Variants in GAREM1 observed in about 807,000 individuals in gnomAD.
GAREM1 encodes the protein GRB2 associated regulator of MAPK1 subtype 1, also known as GRB2-associated and regulator of MAPK protein 1.
A neutral mutation model predicts 71.3 loss-of-function variants in GAREM1; 26 were observed. The observed-to-expected ratio is 0.36, with a 90% CI of 0.27 to 0.51. The LOEUF is 0.51. GAREM1 is among the 20% of genes least tolerant of loss of function. The pLI, the probability that GAREM1 is intolerant of heterozygous loss-of-function variation, is 0.95. For synonymous variants in GAREM1, 440 were observed against 433.2 expected, an observed-to-expected ratio of 1.02 and a Z score of -0.20; for missense variants, 1,026 against 1,103.1, an observed-to-expected ratio of 0.93 and a Z score of 0.99.
At chr18:32,458,963 A>T (rs147350463) in intron 1 of GAREM1, among the ~76,000 whole-genome samples, 280 of 152,210 alleles carry the variant, frequency 1.8e-3, no homozygotes, top group African/African-American at 6.0e-3. Context: ...AAAAGGACAC[A>T]TTTAAGTAAA....
chr18:32,451,738 CAA>C (rs548342023), intron 1 of GAREM1, among the ~76,000 whole-genome samples: 1 of 151,144 alleles, frequency 6.6e-6, no homozygotes, highest in African/African-American at 2.4e-5. Flanking sequence ...CCTTGTTAAA[CAA>C]AAAAAAATCT....
chr18:32,393,115 T>C, intron 1 of GAREM1, 80 bp from the exon 2 acceptor site: 9 of 1,403,936 alleles, frequency 6.4e-6, no homozygotes, highest in East Asian at 2.4e-5. Flanking sequence ...TTTCATTAGT[T>C]AAAACTTGAC....
At position 32,369,417 on chromosome 18, in the gene GAREM1, T is replaced by C. The variant is rs117250792; in HGVS notation, c.262+23478A>G. 5.8e-3 allele frequency among the ~76,000 whole-genome samples: 889 copies of C among 152,288 alleles called. 8 individuals carry two copies. The highest frequency in any genetic ancestry group is 9.3e-3 in the Non-Finnish European group (631 of 68,014). ...CAGACTTTGTTGGTAATGTCATTTG[T>C]TGGAGGTTAAAAATGTGTACATTTT... On this transcript the variant is annotated intron_variant, in intron 2 of 5. Transcript: ENST00000269209.
intron 2 of GAREM1, among the ~76,000 whole-genome samples, chr18:32,337,216 C>T (rs953931216): frequency 6.6e-6 from 1 of 152,170 alleles, no homozygotes; most frequent in African/African-American, 2.4e-5. Context: ...CTGGTTATGG[C>T]TCCAGAAGGT....
chr18:32,352,578 G>A (rs16963230), intron 2 of GAREM1, among the ~76,000 whole-genome samples: 13,022 of 152,108 alleles, frequency 0.086, 938 homozygotes, highest in African/African-American at 0.19. Flanking sequence ...GGTGGATGAG[G>A]GTAATGAATT....
intron 2 of GAREM1, among the ~76,000 whole-genome samples, chr18:32,320,596 C>A (rs2047419349): frequency 6.6e-6 from 1 of 152,106 alleles, no homozygotes; most frequent in African/African-American, 2.4e-5. Context: ...ATGAACTGCA[C>A]CATAGATAAT....
At position 32,264,574 on chromosome 18, in the gene GAREM1, A is replaced by G. The variant is rs2041348052; in HGVS notation, c.*3297T>C. The stretch of plus-strand genomic sequence containing the variant: ...GGACTGTCATAATATTTCCCATAAG[A>G]TTGTTGTATTTCGACATGAGACAAG... On this transcript the variant is annotated 3_prime_UTR_variant, in exon 6 of 6. Transcript: ENST00000269209. 1 of 152,212 alleles carries G rather than the reference A, an allele frequency of 6.6e-6. No individual in the cohort carries two copies. The highest frequency in any genetic ancestry group is 6.5e-5 in the Admixed American group (1 of 15,280). 9.4% of individuals were successfully genotyped at this position (152,212 alleles called of 1,614,324 possible). A position where few individuals can be genotyped will look rare whatever the true frequency, so the allele number is the denominator to read the frequency against.
chr18:32,302,885 C>A (rs556586026), intron 3 of GAREM1, among the ~76,000 whole-genome samples: 27 of 152,348 alleles, frequency 1.8e-4, no homozygotes, highest in African/African-American at 6.3e-4. Flanking sequence ...CTTCTCCCCA[C>A]ATTACAGTGG....
At chr18:32,431,614 C>A (rs1260457805) in intron 1 of GAREM1, among the ~76,000 whole-genome samples, 1 of 152,040 alleles carries the variant, frequency 6.6e-6, no homozygotes, top group Non-Finnish European at 1.5e-5. Context: ...GGCAACACAG[C>A]AAAACTCCGT....
intron 3 of GAREM1, among the ~76,000 whole-genome samples, chr18:32,294,983 C>T (rs1326787146): frequency 6.6e-6 from 1 of 152,066 alleles, no homozygotes; most frequent in Admixed American, 6.6e-5. Flanking sequence ...AAAGTTTCTA[C>T]AAATAAAATT....
chr18:32,375,479 T>C (rs1336444960), intron 2 of GAREM1, among the ~76,000 whole-genome samples: 1 of 152,154 alleles, frequency 6.6e-6, no homozygotes, highest in Non-Finnish European at 1.5e-5. Flanking sequence ...CTGAGTCCAA[T>C]GCCAGTCTAA....
At chr18:32,292,458 A>G (rs569510196) in intron 3 of GAREM1, among the ~76,000 whole-genome samples, 103 of 152,230 alleles carry the variant, frequency 6.8e-4, no homozygotes, top group Non-Finnish European at 8.7e-4. Flanking sequence ...AAATCCAAGT[A>G]CCTTTGGAAT....
At chr18:32,379,584 G>T (rs11661851) in intron 2 of GAREM1, among the ~76,000 whole-genome samples, 21 of 149,638 alleles carry the variant, frequency 1.4e-4, no homozygotes, top group African/African-American at 5.2e-4. Context: ...TGCGCCTGTA[G>T]TCCCAGCTAC....
At chr18:32,289,923 C>T (rs958801723) in intron 3 of GAREM1, among the ~76,000 whole-genome samples, 2 of 152,008 alleles carry the variant, frequency 1.3e-5, no homozygotes, top group South Asian at 2.1e-4. Context: ...TTTTTGAATC[C>T]TAACCACTAG....
chr18:32,380,635 C>T (rs75517377), intron 2 of GAREM1, among the ~76,000 whole-genome samples: 5,406 of 152,116 alleles, frequency 0.036, 142 homozygotes, highest in East Asian at 0.11. Flanking sequence ...CTTGGCACCA[C>T]TGACATTTTG....
At chr18:32,377,582 G>C (rs1263142765) in intron 2 of GAREM1, among the ~76,000 whole-genome samples, 1 of 151,986 alleles carries the variant, frequency 6.6e-6, no homozygotes, top group Admixed American at 6.6e-5. Flanking sequence ...TCTTTTTTTT[G>C]AGACGGAGTC....
chr18:32,338,032 C>T (rs931015955), intron 2 of GAREM1, among the ~76,000 whole-genome samples: 1 of 152,118 alleles, frequency 6.6e-6, no homozygotes, highest in Non-Finnish European at 1.5e-5. Context: ...CATGGGGCAG[C>T]GAGGAGGTGA....
intron 3 of GAREM1, among the ~76,000 whole-genome samples, chr18:32,291,495 CAAG>C (rs994742128): frequency 3.3e-5 from 5 of 151,388 alleles, no homozygotes; most frequent in African/African-American, 1.2e-4. Context: ...ATTAGGTCAA[CAAG>C]AATTTTTTTT....
intron 1 of GAREM1, among the ~76,000 whole-genome samples, chr18:32,437,196 C>T (rs2048688572): frequency 1.3e-5 from 2 of 152,136 alleles, no homozygotes; most frequent in Non-Finnish European, 2.9e-5. Flanking sequence ...AGCCAGGAGA[C>T]GTGGGCTTTA....
Sources: gnomAD v4.1 joint callset for allele counts (sites outside exome capture counted in the v4.1 genomes callset) on GRCh38, gnomAD v4.1.1 for gene constraint, MANE v1.5 for transcripts, NCBI Gene and HGNC (gene_info 2026-07-23, HGNC 2026-07-21) for gene names.